The following TMEM178B variants were observed in gnomAD, a reference collection of about 807,000 sequenced individuals.
TMEM178B encodes transmembrane protein 178B.
Under a neutral mutation model 31.0 loss-of-function variants are expected in TMEM178B, and 5 were observed. The ratio of observed to expected loss-of-function variants is 0.16; its 90% CI spans 0.08 to 0.34. TMEM178B has a LOEUF of 0.34. TMEM178B is among the 10% of genes least tolerant of loss of function. The probability of loss-of-function intolerance (pLI) is 1.00; values close to 1 mark genes in which losing one functional copy is unlikely to be tolerated. For missense variants in TMEM178B, 275 were observed against 400.3 expected, an observed-to-expected ratio of 0.69 and a Z score of 2.67; for synonymous variants, 164 against 164.0, an observed-to-expected ratio of 1.00 and a Z score of 0.00.
At chr7:141,450,101 C>A (rs987433277) in intron 3 of TMEM178B, among the ~76,000 whole-genome samples, 1 of 152,224 alleles carries the variant, frequency 6.6e-6, no homozygotes, top group Non-Finnish European at 1.5e-5. Context: ...CCCTGACTTT[C>A]TGAGTCCTCC....
intron 2 of TMEM178B, among the ~76,000 whole-genome samples, chr7:141,397,080 A>G (rs773795334): frequency 3.9e-5 from 6 of 152,180 alleles, no homozygotes; most frequent in Admixed American, 1.3e-4. Context: ...TAAGAACACC[A>G]TGGGGTCAGC....
At chr7:141,486,977 T>C in the TMEM178B span, among the ~76,000 whole-genome samples, 1 of 152,048 alleles carries the variant, frequency 6.6e-6, no homozygotes, top group African/African-American at 2.4e-5. Flanking sequence ...TGGGGAAAGA[T>C]CTGCACTCTA....
intron 1 of TMEM178B, among the ~76,000 whole-genome samples, chr7:141,098,226 G>A (rs1282585498): frequency 6.6e-6 from 1 of 152,112 alleles, no homozygotes; most frequent in African/African-American, 2.4e-5. Flanking sequence ...TTACTCACTT[G>A]ATGTTAGAGT....
chr7:141,141,361 T>G (rs984407604), intron 1 of TMEM178B, among the ~76,000 whole-genome samples: 3 of 152,176 alleles, frequency 2.0e-5, no homozygotes, highest in Non-Finnish European at 4.4e-5. Flanking sequence ...GCCCCAGTCT[T>G]GGAATCAGCC....
intron 1 of TMEM178B, among the ~76,000 whole-genome samples, chr7:141,125,250 T>C (rs756058445): frequency 1.3e-5 from 2 of 152,228 alleles, no homozygotes. Context: ...TTCAATTTGC[T>C]TTGGCTTAAA....
intron 1 of TMEM178B, among the ~76,000 whole-genome samples, chr7:141,155,727 A>G (rs1338573631): frequency 6.6e-6 from 1 of 152,000 alleles, no homozygotes; most frequent in African/African-American, 2.4e-5. Context: ...TTGTTATTCA[A>G]TCTCTGCCCA....
intron 1 of TMEM178B, among the ~76,000 whole-genome samples, chr7:141,144,626 G>A (rs1031303953): frequency 2.6e-5 from 4 of 152,160 alleles, no homozygotes; most frequent in Non-Finnish European, 5.9e-5. Context: ...GTTTCTAAAG[G>A]ATACTGGCTT....
intron 3 of TMEM178B, among the ~76,000 whole-genome samples, chr7:141,449,301 C>A (rs1051166955): frequency 6.6e-6 from 1 of 151,984 alleles, no homozygotes; most frequent in Admixed American, 6.6e-5. Flanking sequence ...ACAAGAGGGA[C>A]AAGCAGGTCA....
intron 1 of TMEM178B, among the ~76,000 whole-genome samples, chr7:141,183,877 C>T (rs1462019915): frequency 6.6e-6 from 1 of 152,180 alleles, no homozygotes. Context: ...GAATTAGCCC[C>T]GGCATGCGGC....
chr7:141,080,176 G>T (rs562693789), intron 1 of TMEM178B, among the ~76,000 whole-genome samples: 1 of 152,106 alleles, frequency 6.6e-6, no homozygotes, highest in African/African-American at 2.4e-5. Flanking sequence ...TATTTACTTC[G>T]CTTGCTGTGG....
At chr7:141,108,553 A>G (rs1490786598) in intron 1 of TMEM178B, among the ~76,000 whole-genome samples, 2 of 152,194 alleles carry the variant, frequency 1.3e-5, no homozygotes, top group Non-Finnish European at 2.9e-5. Context: ...AGGATGCAAG[A>G]TCATCACCCA....
chr7:141,358,672 T>G (rs1339760020), intron 2 of TMEM178B, among the ~76,000 whole-genome samples: 2 of 152,012 alleles, frequency 1.3e-5, no homozygotes, highest in Non-Finnish European at 2.9e-5. Flanking sequence ...TTTGTTCCTC[T>G]TTATCTAGAT....
intron 1 of TMEM178B, among the ~76,000 whole-genome samples, chr7:141,192,443 A>G (rs1796711717): frequency 1.3e-5 from 2 of 151,392 alleles, no homozygotes; most frequent in South Asian, 4.2e-4. Context: ...AGCTGCTACA[A>G]CTTGGGTTGA....
intron 2 of TMEM178B, among the ~76,000 whole-genome samples, chr7:141,390,217 C>T (rs1182737832): frequency 2.0e-5 from 3 of 152,178 alleles, no homozygotes; most frequent in African/African-American, 2.4e-5. Flanking sequence ...CCTCTCTCTG[C>T]GACCTTCCTT....
At chr7:141,080,333 C>T (rs1249815359) in intron 1 of TMEM178B, among the ~76,000 whole-genome samples, 1 of 152,140 alleles carries the variant, frequency 6.6e-6, no homozygotes, top group African/African-American at 2.4e-5. Context: ...TAAATAAATA[C>T]TCCACGGCTG....
intron 1 of TMEM178B, among the ~76,000 whole-genome samples, chr7:141,176,248 G>C (rs1796432102): frequency 6.6e-6 from 1 of 152,204 alleles, no homozygotes; most frequent in African/African-American, 2.4e-5. Flanking sequence ...CTGTTTATGT[G>C]ATGGATTACA....
At chr7:141,506,203 G>A in the TMEM178B span, among the ~76,000 whole-genome samples, 1 of 152,242 alleles carries the variant, frequency 6.6e-6, no homozygotes, top group African/African-American at 2.4e-5. Flanking sequence ...TTTCAAGCAA[G>A]TATTAGATAC....
chr7:141,402,628 G>A (rs1301228704), intron 2 of TMEM178B, among the ~76,000 whole-genome samples: 2 of 152,210 alleles, frequency 1.3e-5, no homozygotes. Flanking sequence ...TGAATTTATG[G>A]GCAGTTGCCT....
At chr7:141,400,237 T>C (rs925060043) in intron 2 of TMEM178B, among the ~76,000 whole-genome samples, 1 of 152,172 alleles carries the variant, frequency 6.6e-6, no homozygotes, top group African/African-American at 2.4e-5. Flanking sequence ...CCTGCATCTA[T>C]TCAACAGGTG....
Sources: gnomAD v4.1 joint callset for allele counts (sites outside exome capture counted in the v4.1 genomes callset) on GRCh38, gnomAD v4.1.1 for gene constraint, MANE v1.5 for transcripts, NCBI Gene and HGNC (gene_info 2026-07-23, HGNC 2026-07-21) for gene names.